Variants in FBN2 observed in about 807,000 individuals in gnomAD.
The protein encoded by FBN2 is fibrillin 2, also known as fibrillin-2.
Under a neutral mutation model 355.6 loss-of-function variants are expected in FBN2, and 105 were observed. The observed-to-expected ratio is 0.30, with a 90% CI of 0.25 to 0.35. FBN2 has a LOEUF of 0.35. Ranked by LOEUF, FBN2 falls within the 10% of genes least tolerant of loss-of-function variation. FBN2 has a pLI of 1.00. For missense variants in FBN2, 3,280 were observed against 3,758.7 expected (o/e 0.87, Z 3.33); for synonymous variants, 1,350 against 1,301.2 (o/e 1.04, Z -0.81).
At chr5:128,450,093 A>T (rs576174814) in intron 6 of FBN2, among the ~76,000 whole-genome samples, 40 of 152,206 alleles carry the variant, frequency 2.6e-4, no homozygotes, top group Non-Finnish European at 4.9e-4. Flanking sequence ...AGTATGTGGA[A>T]ATTTCCACAT....
At chr5:128,294,129 T>A (rs1335933366) in intron 48 of FBN2, among the ~76,000 whole-genome samples, 1 of 152,160 alleles carries the variant, frequency 6.6e-6, no homozygotes, top group Non-Finnish European at 1.5e-5. Context: ...AGAATGATGA[T>A]TTCCAATTTC....
At chr5:128,440,470 G>T (rs1280678474) in intron 7 of FBN2, among the ~76,000 whole-genome samples, 2 of 152,078 alleles carry the variant, frequency 1.3e-5, no homozygotes, top group Non-Finnish European at 2.9e-5. Flanking sequence ...GACAGAAGGG[G>T]GAAGAGCTAC....
At chr5:128,387,224 G>A (rs1209024232) in intron 11 of FBN2, among the ~76,000 whole-genome samples, 1 of 151,974 alleles carries the variant, frequency 6.6e-6, no homozygotes, top group African/African-American at 2.4e-5. Flanking sequence ...TAGTTTGTGT[G>A]CACAGAGGTA....
intron 57 of FBN2, 83 bp downstream of exon 57, chr5:128,278,552 A>G (rs192172851): frequency 7.2e-6 from 9 of 1,257,584 alleles, no homozygotes; most frequent in African/African-American, 4.4e-5. Context: ...GATTGTATCA[A>G]TTTTTCACTT....
intron 21 of FBN2, among the ~76,000 whole-genome samples, chr5:128,350,581 A>G (rs1356592556): frequency 1.3e-5 from 2 of 152,200 alleles, no homozygotes; most frequent in African/African-American, 4.8e-5. Flanking sequence ...AGATTTGAGG[A>G]AAACAGCCAC....
intron 5 of FBN2, among the ~76,000 whole-genome samples, chr5:128,505,471 C>T (rs750604052): frequency 2.0e-4 from 31 of 152,042 alleles, no homozygotes; most frequent in Non-Finnish European, 3.1e-4. Flanking sequence ...ACAGCTTTCC[C>T]GAGGTATAAT....
chr5:128,469,463 G>A (rs1001874086), intron 5 of FBN2, among the ~76,000 whole-genome samples: 11 of 150,622 alleles, frequency 7.3e-5, no homozygotes, highest in African/African-American at 9.8e-5. Context: ...CCCAGGAGGC[G>A]GAGCTTGCAG....
At position 128,376,621 on chromosome 5, in the gene FBN2, G is replaced by T. The variant is rs992912551; in HGVS notation, c.1972+110C>A. 4.6e-6 allele frequency: 6 copies of T among 1,298,298 alleles called. No individual in the cohort carries two copies. The Admixed American group carries it at 5.1e-5, about 11-fold the overall frequency. 80.4% of individuals were successfully genotyped at this position (1,298,298 alleles called of 1,614,324 possible). The stretch of plus-strand genomic sequence containing the variant: ...GCCTTAGTGAATTAGCAAGAAATGT[G>T]AATAATATGAAAGCCACATGGGGAA... On this transcript the variant is annotated intron_variant, in intron 14 of 64. Coordinates refer to ENST00000262464, the MANE Select transcript of FBN2 (RefSeq NM_001999.4).
At chr5:128,444,514 C>G (rs1173538354) in intron 7 of FBN2, among the ~76,000 whole-genome samples, 1 of 152,234 alleles carries the variant, frequency 6.6e-6, no homozygotes, top group East Asian at 1.9e-4. Flanking sequence ...ATCACTACTT[C>G]TTCCAATTCT....
chr5:128,449,996 T>C (rs1281953638), intron 6 of FBN2, among the ~76,000 whole-genome samples: 1 of 152,140 alleles, frequency 6.6e-6, no homozygotes, highest in African/African-American at 2.4e-5. Flanking sequence ...TAATGCTAAC[T>C]GTGCATGCAT....
intron 6 of FBN2, among the ~76,000 whole-genome samples, chr5:128,459,684 A>C (rs1754504182): frequency 6.6e-6 from 1 of 152,234 alleles, no homozygotes; most frequent in African/African-American, 2.4e-5. Flanking sequence ...AACGTAATCC[A>C]TCACATAAAC....
At chr5:128,347,953 AT>A (rs1369406818) in intron 23 of FBN2, among the ~76,000 whole-genome samples, 1 of 149,346 alleles carries the variant, frequency 6.7e-6, no homozygotes, top group Non-Finnish European at 1.5e-5. Flanking sequence ...TAATTTTTAT[AT>A]TTTTAGTAGA....
chr5:128,463,179 C>T (rs1754605591), intron 6 of FBN2, among the ~76,000 whole-genome samples: 1 of 151,754 alleles, frequency 6.6e-6, no homozygotes, highest in Non-Finnish European at 1.5e-5. Flanking sequence ...AATCTGTATA[C>T]TAAGATGTAG....
intron 5 of FBN2, among the ~76,000 whole-genome samples, chr5:128,486,721 C>T (rs1229758239): frequency 6.6e-6 from 1 of 152,110 alleles, no homozygotes; most frequent in African/African-American, 2.4e-5. Flanking sequence ...TTGCTGCACC[C>T]ATTAACTCGC....
At chr5:128,360,865 T>C (rs1751621803) in intron 19 of FBN2, among the ~76,000 whole-genome samples, 1 of 151,920 alleles carries the variant, frequency 6.6e-6, no homozygotes, top group Non-Finnish European at 1.5e-5. Flanking sequence ...TCCACAGTCA[T>C]CAAAGATGAA....
chr5:128,532,959 G>A (rs1756746022), intron 2 of FBN2, among the ~76,000 whole-genome samples: 2 of 152,180 alleles, frequency 1.3e-5, no homozygotes, highest in African/African-American at 2.4e-5. Flanking sequence ...AATGCAGCTT[G>A]AGCCCGAGAG....
At chr5:128,317,515 C>T (rs1750238759) in intron 36 of FBN2, among the ~76,000 whole-genome samples, 1 of 152,196 alleles carries the variant, frequency 6.6e-6, no homozygotes, top group Non-Finnish European at 1.5e-5. Context: ...CAGATTTCTA[C>T]TCAAGCAAGG....
chr5:128,509,211 T>C (rs951862184), intron 5 of FBN2, among the ~76,000 whole-genome samples: 18 of 152,192 alleles, frequency 1.2e-4, no homozygotes, highest in African/African-American at 4.1e-4. Context: ...TTGCTAACTC[T>C]AAATATATGT....
chr5:128,484,348 T>C (rs1184782875), intron 5 of FBN2, among the ~76,000 whole-genome samples: 1 of 152,208 alleles, frequency 6.6e-6, no homozygotes, highest in Admixed American at 6.5e-5. Flanking sequence ...AAAATCACCT[T>C]AACTAAAACT....
Sources: gnomAD v4.1 joint callset for allele counts (sites outside exome capture counted in the v4.1 genomes callset) on GRCh38, gnomAD v4.1.1 for gene constraint, MANE v1.5 for transcripts, NCBI Gene and HGNC (gene_info 2026-07-23, HGNC 2026-07-21) for gene names.